The following LRIG1 variants were observed in gnomAD, a reference collection of about 807,000 sequenced individuals.
LRIG1 encodes leucine-rich repeats and immunoglobulin-like domains protein 1.
In LRIG1, 48 loss-of-function variants were observed where a neutral mutation model predicts 99.2. That is an observed-to-expected ratio of 0.48 (90% CI 0.38 to 0.62). The LOEUF (loss-of-function observed/expected upper bound fraction) is 0.62, where lower values mean the gene tolerates loss of function less well. Among genes scored for constraint, LRIG1 ranks in the 20% least tolerant of loss-of-function variants. The probability of loss-of-function intolerance (pLI) is 0.00; values close to 1 mark genes in which losing one functional copy is unlikely to be tolerated. For synonymous variants in LRIG1, 772 were observed against 596.1 expected (o/e 1.29, Z -4.30); for missense variants, 1,646 against 1,434.4 (o/e 1.15, Z -2.38).
intron 3 of LRIG1, among the ~76,000 whole-genome samples, chr3:66,441,671 CCA>C: frequency 6.6e-6 from 1 of 152,322 alleles, no homozygotes; most frequent in East Asian, 1.9e-4. Context: ...ACTCCACACT[CCA>C]GAGTATCATC....
At position 66,385,988 on chromosome 3, in the gene LRIG1, G is replaced by T. The variant is rs11553628; in HGVS notation, c.1782C>A (p.Thr594=). The T allele has an allele frequency of 4.3e-6, 7 of 1,613,266 alleles. No homozygotes were observed. In the Admixed American group the frequency reaches 5.0e-5, roughly 12 times the overall value. ...AAGATGGTGTTTCCATACCATTCAC[G>T]GTGAGCCTGGCCTTATGTGAATAGG... ...GSTYSHKARL[T]VNVLPSFTKT... is the part of the protein sequence containing the mutation. The change falls in exon 13 of 19, where the codon ACC becomes ACA. Residue 594 remains threonine, a synonymous_variant. Coordinates refer to ENST00000273261, the MANE Select transcript of LRIG1 (RefSeq NM_015541.3).
intron 3 of LRIG1, among the ~76,000 whole-genome samples, chr3:66,436,616 G>A (rs964224702): frequency 5.3e-5 from 8 of 152,114 alleles, no homozygotes; most frequent in Admixed American, 6.5e-5. Flanking sequence ...CGGGGGTCTG[G>A]TGCCAGCCTC....
At chr3:66,417,357 A>C in intron 3 of LRIG1, 91 bp from the exon 4 acceptor site, 1 of 1,294,144 alleles carries the variant, frequency 7.7e-7, no homozygotes, top group Non-Finnish European at 1.1e-6. Context: ...CCCCACCAAT[A>C]TAACTACAAT....
At chr3:66,451,732 A>G in intron 2 of LRIG1, 99 bp from the exon 3 acceptor site, 1 of 838,026 alleles carries the variant, frequency 1.2e-6, no homozygotes, top group Non-Finnish European at 1.9e-6. Flanking sequence ...AGTCTGCCAC[A>G]GTAAACCTAT....
chr3:66,455,693 G>A (rs1417869811), intron 2 of LRIG1, among the ~76,000 whole-genome samples: 1 of 152,166 alleles, frequency 6.6e-6, no homozygotes, highest in Non-Finnish European at 1.5e-5. Context: ...TTCTTAAAAG[G>A]GTGAAAGCCA....
intron 1 of LRIG1, among the ~76,000 whole-genome samples, chr3:66,488,760 T>A (rs1272074784): frequency 1.3e-5 from 2 of 152,242 alleles, no homozygotes; most frequent in East Asian, 3.8e-4. Flanking sequence ...GAACAGGCAG[T>A]GCAGTGAGTA....
In LRIG1 at chr3:66,386,309, G is replaced by C. The variant is rs767843956; in HGVS notation, c.1469-8C>G. 6.2e-6 allele frequency: 10 copies of C among 1,612,070 alleles called. No individual in the cohort carries two copies. In the East Asian group the frequency reaches 2.0e-4, roughly 32 times the overall value. On this transcript the variant is annotated splice_polypyrimidine_tract_variant and splice_region_variant and intron_variant, in intron 12 of 18. Coordinates refer to ENST00000273261, the MANE Select transcript of LRIG1 (RefSeq NM_015541.3). Reference sequence around the variant, plus strand: ...GTGGCTTCAGGAAGTCATCTGGGGAGAGAAGGGTCAACTGTAAAGCGCTGG... The same window carrying C: ...GTGGCTTCAGGAAGTCATCTGGGGACAGAAGGGTCAACTGTAAAGCGCTGG...
chr3:66,380,361 G>T lies in LRIG1; in HGVS notation c.3184C>A (p.Leu1062Ile). 1 of 1,614,186 alleles carries T rather than the reference G, an allele frequency of 6.2e-7. No homozygotes were observed. Among genetic ancestry groups the T allele is most frequent in the Non-Finnish European group, 8.5e-7 (1 of 1,180,040 alleles). ...GGACTGGCGTCACATGCTTTGGGGA[G>T]GTGGCCATTGGAAACAAGCAAGTAC... is the stretch of plus-strand genomic sequence containing the variant. Reference protein sequence around the residue: ...AQYLLVSNGHLPKACDASPES... With the variant: ...AQYLLVSNGHIPKACDASPES... The change falls in exon 19 of 19, where the codon CTC (leucine) becomes ATC (isoleucine). Residue 1062 changes from leucine (L) to isoleucine (I), a missense_variant. By Grantham distance (5) the Leu-to-Ile change is conservative. Transcript: ENST00000273261.
chr3:66,456,791 G>T (rs1474817443), intron 2 of LRIG1, among the ~76,000 whole-genome samples: 1 of 152,166 alleles, frequency 6.6e-6, no homozygotes, highest in Non-Finnish European at 1.5e-5. Flanking sequence ...TACCAGGTCA[G>T]TGGCCCTGGC....
chr3:66,417,050 C>T (rs1301170039), intron 4 of LRIG1, 79 bp downstream of exon 4: 1 of 1,564,496 alleles, frequency 6.4e-7, no homozygotes, highest in East Asian at 2.3e-5. Context: ...CCTCCTGCAT[C>T]CAGAACTGGG....
At chr3:66,403,807 C>G (rs1351776806) in intron 9 of LRIG1, among the ~76,000 whole-genome samples, 1 of 152,204 alleles carries the variant, frequency 6.6e-6, no homozygotes, top group Non-Finnish European at 1.5e-5. Context: ...GTGCTGCCCA[C>G]TCTCACCACC....
intron 1 of LRIG1, among the ~76,000 whole-genome samples, chr3:66,486,864 T>C (rs1259190172): frequency 6.6e-6 from 1 of 152,184 alleles, no homozygotes; most frequent in Non-Finnish European, 1.5e-5. Context: ...TTTCCCAATA[T>C]ATAACTCCCA....
Position 66,407,371 on chromosome 3 carries a change from C to T in LRIG1, c.1056G>A (p.Lys352=), listed in dbSNP as rs776717603. Residue 352 remains lysine (K), a synonymous_variant, in exon 8 of 19, where the codon AAG becomes AAA. Transcript: ENST00000273261. ...SISHIAEGAF[K]GLRSLRVLDL... ...ACAAGACTCGCAGGCTCCTGAGTCCCTTGAAGGCACCCTCCGCAATGTGGC... is the reference window on the plus strand; with the variant it reads ...ACAAGACTCGCAGGCTCCTGAGTCCTTTGAAGGCACCCTCCGCAATGTGGC... 10 of 1,614,008 alleles carry T rather than the reference C, an allele frequency of 6.2e-6. No individual in the cohort carries two copies. The highest frequency in any genetic ancestry group is 8.5e-6 in the Non-Finnish European group (10 of 1,180,040).
At chr3:66,421,964 C>A (rs147758102) in intron 3 of LRIG1, among the ~76,000 whole-genome samples, 1,838 of 152,338 alleles carry the variant, frequency 0.012, 10 homozygotes, top group Non-Finnish European at 0.018. Flanking sequence ...GCTGCCAAGA[C>A]TTGGGGCTTC....
chr3:66,477,460 C>T (rs970629061), intron 1 of LRIG1, among the ~76,000 whole-genome samples: 1 of 152,170 alleles, frequency 6.6e-6, no homozygotes, highest in African/African-American at 2.4e-5. Context: ...TGTAATCATG[C>T]TCTTCCTTTT....
chr3:66,474,140 C>T lies in LRIG1; in HGVS notation c.219-11631G>A, dbSNP rs531675399. Among the ~76,000 whole-genome samples the T allele has an allele frequency of 7.9e-5, 12 of 152,304 alleles. No individual in the cohort carries two copies. In the South Asian group the frequency reaches 2.1e-3, roughly 26 times the overall value. ...ACTATGCTGCTATTAAAACATGGAA[C>T]TTCCTTTTCACTGAAATTACAAGCA... On this transcript the variant is annotated intron_variant, in intron 1 of 18. Transcript: ENST00000273261.
At chr3:66,426,280 G>C (rs1392800021) in intron 3 of LRIG1, among the ~76,000 whole-genome samples, 3 of 152,208 alleles carry the variant, frequency 2.0e-5, no homozygotes, top group African/African-American at 7.2e-5. Context: ...AAAGCAGCCA[G>C]ACAATATGTA....
At chr3:66,385,895 G>T in intron 13 of LRIG1, 86 bp downstream of exon 13, 2 of 1,225,370 alleles carry the variant, frequency 1.6e-6, no homozygotes, top group Non-Finnish European at 2.4e-6. Context: ...TCCTGTCTCA[G>T]TCATCTCTAC....
intron 7 of LRIG1, among the ~76,000 whole-genome samples, chr3:66,407,846 A>G (rs1037010937): frequency 2.0e-5 from 3 of 152,236 alleles, no homozygotes; most frequent in African/African-American, 7.2e-5. Context: ...GATTCAGGCT[A>G]CAAAAGACCT....
Sources: gnomAD v4.1 joint callset for allele counts (sites outside exome capture counted in the v4.1 genomes callset) on GRCh38, gnomAD v4.1.1 for gene constraint, MANE v1.5 for transcripts, NCBI Gene and HGNC (gene_info 2026-07-23, HGNC 2026-07-21) for gene names.